GOLGA2: variants seen among roughly 807,000 people sequenced by gnomAD.
The protein encoded by GOLGA2 is golgin subfamily A member 2.
A neutral mutation model predicts 148.8 loss-of-function variants in GOLGA2; 49 were observed. The observed-to-expected ratio is 0.33, with a 90% CI of 0.26 to 0.42. The LOEUF (loss-of-function observed/expected upper bound fraction) is 0.42. GOLGA2 is among the 10% of genes least tolerant of loss of function. The pLI is 1.00. For missense variants in GOLGA2, 1,178 were observed against 1,304.6 expected, an observed-to-expected ratio of 0.90 and a Z score of 1.49; for synonymous variants, 501 against 511.8, an observed-to-expected ratio of 0.98 and a Z score of 0.28.
intron 13 of GOLGA2, 84 bp downstream of exon 13, chr9:128,262,950 A>G: frequency 5.1e-6 from 5 of 971,528 alleles, no homozygotes; most frequent in Non-Finnish European, 5.0e-6. Context: ...CTACCTCATC[A>G]TGCTTACCTG....
At position 128,258,228 on chromosome 9, in the gene GOLGA2, G is replaced by T; in HGVS notation, c.2290-30C>A. The stretch of plus-strand genomic sequence containing the variant: ...AGGCAAGAGGGGTGCATTCTTGTAG[G>T]AGGATATATAGGATGAACAGGGCAG... On this transcript the variant is annotated intron_variant, in intron 22 of 26. Transcript: ENST00000611957. The surrounding 1 kb of genome is among the most constrained non-coding windows in gnomAD (Gnocchi z 6.6). 6.6e-7 allele frequency: 1 copy of T among 1,513,014 alleles called. No homozygotes were observed. Among genetic ancestry groups the T allele is most frequent in the African/African-American group, 1.4e-5 (1 of 72,960 alleles). The allele number at this position is 1,513,014 out of a possible 1,614,324, so 93.7% of individuals were successfully genotyped here.
chr9:128,274,009 A>G (rs774917205), intron 1 of GOLGA2, 37 bp from the exon 2 acceptor site: 2 of 1,596,972 alleles, frequency 1.3e-6, no homozygotes, highest in East Asian at 2.2e-5. Flanking sequence ...CATGAGATCT[A>G]CAAGCCCCCA....
intron 19 of GOLGA2, among the ~76,000 whole-genome samples, chr9:128,259,785 A>C (rs1830136020): frequency 6.6e-6 from 1 of 152,246 alleles, no homozygotes; most frequent in African/African-American, 2.4e-5. Context: ...CAGTGGAGCA[A>C]AGGCCAGAAT....
In GOLGA2 at chr9:128,261,490, G is replaced by T; in HGVS notation, c.1296C>A (p.Ala432=). ...TCTGCTGCATCCTCTGCCGCCACATGGCGCTCTCTCCTTTGAGATTCTCCG... is the reference window on the plus strand; with the variant it reads ...TCTGCTGCATCCTCTGCCGCCACATTGCGCTCTCTCCTTTGAGATTCTCCG... ...KYAENLKGES[A]MWRQRMQQMS... The change falls in exon 16 of 27, where the codon GCC becomes GCA. Residue 432 remains alanine, a synonymous_variant. Transcript: ENST00000611957. This position sits in a 1 kb window ranked among gnomAD's most constrained non-coding sequence, Gnocchi z 5.7. The T allele has an allele frequency of 1.9e-6, 3 of 1,610,786 alleles. No homozygotes were observed. The South Asian group carries it at 3.3e-5, about 18-fold the overall frequency.
chr9:128,265,190 G>A (rs1430234738), intron 12 of GOLGA2, among the ~76,000 whole-genome samples: 1 of 152,152 alleles, frequency 6.6e-6, no homozygotes, highest in African/African-American at 2.4e-5. Flanking sequence ...CACGTTTTAT[G>A]TATATTGTCA....
chr9:128,267,415 G>T (rs1410493971), intron 7 of GOLGA2, 43 bp downstream of exon 7: 5 of 1,558,826 alleles, frequency 3.2e-6, no homozygotes, highest in Non-Finnish European at 3.5e-6. Context: ...AGGTTGGAGG[G>T]CTGGCCTGCA....
At chr9:128,273,797 T>C in intron 2 of GOLGA2, 53 bp downstream of exon 2, 1 of 1,593,834 alleles carries the variant, frequency 6.3e-7, no homozygotes, top group Non-Finnish European at 8.6e-7. Flanking sequence ...ACAATTACCC[T>C]CTACTGCCCC....
At position 128,260,878 on chromosome 9, in the gene GOLGA2, G is replaced by T; in HGVS notation, c.1421-76C>A. The T allele has an allele frequency of 9.4e-7, 1 of 1,066,468 alleles. No homozygotes were observed. Among genetic ancestry groups the T allele is most frequent in the South Asian group, 1.6e-5 (1 of 63,980 alleles). 66.1% of individuals were successfully genotyped at this position (1,066,468 alleles called of 1,614,324 possible). On this transcript the variant is annotated intron_variant, in intron 17 of 26. Transcript: ENST00000611957. The surrounding 1 kb of genome is among the most constrained non-coding windows in gnomAD (Gnocchi z 4.8). ...CCTCTTGGTCCATACCTCCTCTCAAGCTCCCCAAACTTGGCCTCCCTGCTG... is the reference window on the plus strand; with the variant it reads ...CCTCTTGGTCCATACCTCCTCTCAATCTCCCCAAACTTGGCCTCCCTGCTG...
In GOLGA2 at chr9:128,272,795, T is replaced by G. The variant is rs1278411868; in HGVS notation, c.278A>C (p.Asp93Ala). 8.0e-7 allele frequency: 1 copy of G among 1,256,406 alleles called. No homozygotes were observed. The highest frequency in any genetic ancestry group is 1.0e-6 in the Non-Finnish European group (1 of 962,184). The allele number at this position is 1,256,406 out of a possible 1,614,324, so 77.8% of individuals were successfully genotyped here. A position where few individuals can be genotyped will look rare whatever the true frequency, so the allele number is the denominator to read the frequency against. The change falls in exon 3 of 27, where the codon GAC becomes GCC. Residue 93 changes from aspartate (D) to alanine (A), a missense_variant. By Grantham distance (126) the Asp-to-Ala change is moderately radical. Around this residue, in one of 5 missense-constraint regions of GOLGA2, gnomAD observed 158 missense variants for 156.6 expected, o/e 1.01. Coordinates refer to ENST00000611957, the MANE Select transcript of GOLGA2 (RefSeq NM_001366244.2). The part of the protein sequence containing the change: ...RSNGVALPPL[D>A]KWKTPKDNAA... Reference sequence around the variant, plus strand: ...TCGGCACTGCCTCACCTTCCACTTGTCCAATGGGGGGAGCGCTACCCCATT... The same window carrying G: ...TCGGCACTGCCTCACCTTCCACTTGGCCAATGGGGGGAGCGCTACCCCATT...
intron 3 of GOLGA2, among the ~76,000 whole-genome samples, chr9:128,268,865 A>G (rs1830764163): frequency 6.6e-6 from 1 of 152,168 alleles, no homozygotes; most frequent in South Asian, 2.1e-4. Flanking sequence ...GGAGAAAGGC[A>G]CTGTTCTTCC....
Position 128,257,273 on chromosome 9 carries a change from C to T in GOLGA2, c.2884G>A (p.Glu962Lys), listed in dbSNP as rs894608311. The change falls in exon 27 of 27, where the codon GAG becomes AAG. Residue 962 changes from glutamate (E) to lysine (K), a missense_variant. Transcript: ENST00000611957. The surrounding 1 kb of genome is among the most constrained non-coding windows in gnomAD (Gnocchi z 8.0). ...GAANQQGDLC[E>K]VSLAGSVEPA... ...TCCACACTGCCGGCGAGGCTCACCT[C>T]GCAAAGATCTTTGGAGAGAGAGAGG... The T allele has an allele frequency of 7.4e-6, 12 of 1,612,682 alleles. No individual in the cohort carries two copies. In the African/African-American group the frequency reaches 8.0e-5, roughly 11 times the overall value.
In GOLGA2 at chr9:128,268,196, T is replaced by C. The variant is rs755567525; in HGVS notation, c.394-36A>G. 3 of 1,583,988 alleles carry C rather than the reference T, an allele frequency of 1.9e-6. No homozygotes were observed. The Admixed American group carries it at 5.0e-5, about 26-fold the overall frequency. ...AGAAACGTGTGAGATGGTCATTCAA[T>C]TTCTGGTAAGAATCACCCAGGATGG... On this transcript the variant is annotated intron_variant, in intron 4 of 26. Coordinates refer to ENST00000611957, the MANE Select transcript of GOLGA2 (RefSeq NM_001366244.2).
In GOLGA2 at chr9:128,263,073, T is replaced by C; in HGVS notation, c.953A>G (p.Lys318Arg). The change falls in exon 13 of 27, where the codon AAA becomes AGA. Residue 318 changes from lysine to arginine, a missense_variant. Physicochemically the swap from Lys to Arg is conservative, Grantham distance 26 (BLOSUM62 2). This residue lies in a region of GOLGA2 where 304 missense variants were observed against 404.1 expected (regional missense o/e 0.75). Coordinates refer to ENST00000611957, the MANE Select transcript of GOLGA2 (RefSeq NM_001366244.2). ...CTCCAGCCTGAGGGCGTCTCTCTCT[T>C]TGGTTAACTCCTTGTTGTACTGTAA... ...KADRYNKELT[K>R]ERDALRLELY... 2 of 1,609,906 alleles carry C rather than the reference T, an allele frequency of 1.2e-6. 1 individual carries two copies. Among genetic ancestry groups the C allele is most frequent in the South Asian group, 2.2e-5 (2 of 90,998 alleles).
In GOLGA2 at chr9:128,257,292, A is replaced by T. The variant is rs778475013; in HGVS notation, c.2876-11T>A. 2 of 1,612,606 alleles carry T rather than the reference A, an allele frequency of 1.2e-6. No homozygotes were observed. The highest frequency in any genetic ancestry group is 2.2e-5 in the South Asian group (2 of 90,966). ...TCACCTCGCAAAGATCTTTGGAGAG[A>T]GAGAGGCAGGGCTCTGAGTGCCACG... On this transcript the variant is annotated splice_polypyrimidine_tract_variant and intron_variant, in intron 26 of 26. Transcript: ENST00000611957. The surrounding 1 kb of genome is among the most constrained non-coding windows in gnomAD (Gnocchi z 8.0).
rs1425770180 is a variant in GOLGA2, at chr9:128,266,734, T to C, written c.643-409A>G. 2 of 353,140 alleles carry C rather than the reference T, an allele frequency of 5.7e-6. No individual in the cohort carries two copies. Among genetic ancestry groups the C allele is most frequent in the African/African-American group, 4.3e-5 (2 of 46,838 alleles). The allele number at this position is 353,140 out of a possible 1,614,324, so 21.9% of individuals were successfully genotyped here. A position where few individuals can be genotyped will look rare whatever the true frequency, so the allele number is the denominator to read the frequency against. On this transcript the variant is annotated intron_variant, in intron 8 of 26. Coordinates refer to ENST00000611957, the MANE Select transcript of GOLGA2 (RefSeq NM_001366244.2). The surrounding 1 kb of genome is among the most constrained non-coding windows in gnomAD (Gnocchi z 4.2). ...AAAGACAGACAGGAGCCCTTGGCCC[T>C]GAGGTTTACATTCTAATGGGCCTTT...
chr9:128,266,831 A>G lies in GOLGA2; in HGVS notation c.642+363T>C. 5.1e-6 allele frequency: 2 copies of G among 388,730 alleles called. No individual in the cohort carries two copies. Among genetic ancestry groups the G allele is most frequent in the Non-Finnish European group, 9.4e-6 (2 of 211,784 alleles). The allele number at this position is 388,730 out of a possible 1,614,324, so 24.1% of individuals were successfully genotyped here. ...CTACCTCCTCAGGAAATGCAAGCCC[A>G]AGGAGGAGAGGTGGCTTGTCCCAAA... On this transcript the variant is annotated intron_variant, in intron 8 of 26. Transcript: ENST00000611957. The surrounding 1 kb of genome is among the most constrained non-coding windows in gnomAD (Gnocchi z 4.2).
Position 128,257,259 on chromosome 9 carries a change from G to A in GOLGA2, c.2898C>T (p.Ala966=), listed in dbSNP as rs766470957. 37 of 1,612,996 alleles carry A rather than the reference G, an allele frequency of 2.3e-5. No individual in the cohort carries two copies. The highest frequency in any genetic ancestry group is 1.3e-4 in the South Asian group (12 of 91,042). Residue 966 remains alanine (A), a synonymous_variant, in exon 27 of 27, where the codon GCC becomes GCT. Transcript: ENST00000611957. This position sits in a 1 kb window ranked among gnomAD's most constrained non-coding sequence, Gnocchi z 8.0. ...CTCCTTGGGCAGGCTCCACACTGCC[G>A]GCGAGGCTCACCTCGCAAAGATCTT... ...QQGDLCEVSL[A]GSVEPAQGEA...
intron 6 of GOLGA2, 22 bp from the exon 7 acceptor site, chr9:128,267,539 A>C (rs762497777): frequency 6.3e-7 from 1 of 1,583,876 alleles, no homozygotes; most frequent in Non-Finnish European, 8.7e-7. Context: ...GAGAGTGCAC[A>C]TGGAGATGTT....
At chr9:128,275,575 G>C in intron 1 of GOLGA2, 1 of 1,099,504 alleles carries the variant, frequency 9.1e-7, no homozygotes, top group Non-Finnish European at 1.2e-6. Context: ...CTGAATTGCT[G>C]GGGTCCTAGG....
Sources: gnomAD v4.1 joint callset for allele counts (sites outside exome capture counted in the v4.1 genomes callset) on GRCh38, gnomAD v4.1.1 for gene constraint, gnomAD v4.1.1 regional missense constraint, Gnocchi (gnomAD v3.1) non-coding constraint, MANE v1.5 for transcripts, NCBI Gene and HGNC (gene_info 2026-07-23, HGNC 2026-07-21) for gene names.